SLC19A3: variants seen among roughly 807,000 people sequenced by gnomAD.
The protein encoded by SLC19A3 is thiamine transporter 2.
SLC19A3 carries 31 observed loss-of-function variants against 40.2 expected under a neutral mutation model. That is an observed-to-expected ratio of 0.77 (90% CI 0.58 to 1.04). The LOEUF is 1.04. SLC19A3 is among the 50% of genes least tolerant of loss of function. The probability of loss-of-function intolerance (pLI) is 0.00; values close to 1 mark genes in which losing one functional copy is unlikely to be tolerated. For synonymous variants in SLC19A3, 212 were observed against 227.5 expected (o/e 0.93, Z 0.61); for missense variants, 592 against 596.7 (o/e 0.99, Z 0.08).
At chr2:227,715,136 T>C (rs1428768584) in intron 1 of SLC19A3, among the ~76,000 whole-genome samples, 1 of 151,884 alleles carries the variant, frequency 6.6e-6, no homozygotes, top group African/African-American at 2.4e-5. Context: ...TGACTATTCT[T>C]ACTAAAGTCA....
intron 1 of SLC19A3, 113 bp from the exon 2 acceptor site, chr2:227,702,433 G>C: frequency 2.7e-6 from 3 of 1,091,916 alleles, no homozygotes; most frequent in Non-Finnish European, 4.0e-6. Context: ...TCGCTCTGTT[G>C]TCCAGGCTGA....
chr2:227,702,488 G>A, intron 1 of SLC19A3, 168 bp from the exon 2 acceptor site: 1 of 639,750 alleles, frequency 1.6e-6, no homozygotes, highest in Admixed American at 2.7e-5. Flanking sequence ...GTGCCTCCCG[G>A]GCTCAAGCCA....
intron 3 of SLC19A3, among the ~76,000 whole-genome samples, chr2:227,697,888 C>A (rs1323504629): frequency 6.6e-6 from 1 of 151,712 alleles, no homozygotes; most frequent in African/African-American, 2.4e-5. Flanking sequence ...CCATCCTGGG[C>A]AACATGGTGA....
intron 1 of SLC19A3, among the ~76,000 whole-genome samples, chr2:227,707,980 T>C (rs1164528011): frequency 3.9e-5 from 6 of 152,164 alleles, no homozygotes; most frequent in Non-Finnish European, 8.8e-5. Context: ...CCACTTGCCT[T>C]GGCCTCCCAA....
rs776336362 is a variant in SLC19A3, at chr2:227,687,210, A to C, written c.*187T>G. 2 of 567,484 alleles carry C rather than the reference A, an allele frequency of 3.5e-6. No homozygotes were observed. Among genetic ancestry groups the C allele is most frequent in the Admixed American group, 3.3e-5 (1 of 29,920 alleles). 35.2% of individuals were successfully genotyped at this position (567,484 alleles called of 1,614,324 possible). On this transcript the variant is annotated 3_prime_UTR_variant, in exon 6 of 6. Coordinates refer to ENST00000644224, the MANE Select transcript of SLC19A3 (RefSeq NM_025243.4). The stretch of plus-strand genomic sequence containing the variant: ...TATGATGACGGGTCCTGTCAATTGC[A>C]TCCAGTAAAATTGGTCACATAGAGA...
chr2:227,702,138 C>T (rs752227723), intron 2 of SLC19A3, 31 bp downstream of exon 2: 6 of 1,592,364 alleles, frequency 3.8e-6, no homozygotes, highest in South Asian at 3.3e-5. Context: ...TTTAAAAAAC[C>T]ACATTAAGAT....
intron 1 of SLC19A3, among the ~76,000 whole-genome samples, chr2:227,716,459 C>A (rs1696338793): frequency 6.6e-6 from 1 of 152,024 alleles, no homozygotes; most frequent in Non-Finnish European, 1.5e-5. Context: ...GCTCCCAGCT[C>A]AAAAAAACCT....
intron 1 of SLC19A3, among the ~76,000 whole-genome samples, chr2:227,709,758 A>G (rs1696075740): frequency 1.3e-5 from 2 of 152,186 alleles, no homozygotes; most frequent in African/African-American, 4.8e-5. Context: ...GAAGAACAAG[A>G]TATTGGGTGG....
At chr2:227,708,999 G>C (rs567944563) in intron 1 of SLC19A3, among the ~76,000 whole-genome samples, 1 of 152,146 alleles carries the variant, frequency 6.6e-6, no homozygotes, top group South Asian at 2.1e-4. Flanking sequence ...TATGCATTGG[G>C]GAATCATATT....
chr2:227,704,628 T>A (rs1695858227), intron 1 of SLC19A3, among the ~76,000 whole-genome samples: 1 of 152,000 alleles, frequency 6.6e-6, no homozygotes, highest in African/African-American at 2.4e-5. Context: ...TGAGACAGCC[T>A]GGCTATATCC....
chr2:227,716,959 T>A (rs2106346787), intron 1 of SLC19A3, among the ~76,000 whole-genome samples: 1 of 150,790 alleles, frequency 6.6e-6, no homozygotes, highest in East Asian at 1.9e-4. Context: ...ACACCAATGT[T>A]TCAATATTGA....
rs1304699872 is a variant in SLC19A3, at chr2:227,703,824, C to T, written c.-2-1504G>A. Among the ~76,000 whole-genome samples the T allele has an allele frequency of 6.6e-6, 1 of 152,180 alleles. No homozygotes were observed. Among genetic ancestry groups the T allele is most frequent in the Non-Finnish European group, 1.5e-5 (1 of 68,030 alleles). On this transcript the variant is annotated intron_variant, in intron 1 of 5. Coordinates refer to ENST00000644224, the MANE Select transcript of SLC19A3 (RefSeq NM_025243.4). This position sits in a 1 kb window ranked among gnomAD's most constrained non-coding sequence, Gnocchi z 4.7. ...CACCTTTGCTGACCACGGATTTGTTCTCTAAATCCAGGTCATCATCTTCTC... is the reference window on the plus strand; with the variant it reads ...CACCTTTGCTGACCACGGATTTGTTTTCTAAATCCAGGTCATCATCTTCTC...
In SLC19A3 at chr2:227,686,783, A is replaced by G. The variant is rs1695032066; in HGVS notation, c.*614T>C. 1 of 152,176 alleles carries G rather than the reference A, an allele frequency of 6.6e-6. No individual in the cohort carries two copies. Among genetic ancestry groups the G allele is most frequent in the African/African-American group, 2.4e-5 (1 of 41,434 alleles). 9.4% of individuals were successfully genotyped at this position (152,176 alleles called of 1,614,324 possible). ...AACTCAGAGCACAAAATGGAAAATA[A>G]TCATAAAAAAATTAAATAATAATAC... On this transcript the variant is annotated 3_prime_UTR_variant, in exon 6 of 6. Coordinates refer to ENST00000644224, the MANE Select transcript of SLC19A3 (RefSeq NM_025243.4).
intron 1 of SLC19A3, among the ~76,000 whole-genome samples, chr2:227,715,904 C>G (rs1426664732): frequency 7.0e-6 from 1 of 142,714 alleles, no homozygotes; most frequent in Admixed American, 7.4e-5. Flanking sequence ...GAGCCGAGAT[C>G]CCAGCCACTG....
rs1695420474 is a variant in SLC19A3, at chr2:227,695,993, A to C, written c.1068T>G (p.Asn356Lys). The C allele has an allele frequency of 4.3e-6, 7 of 1,614,210 alleles. No individual in the cohort carries two copies. In the East Asian group the frequency reaches 1.6e-4, roughly 36 times the overall value. ...AATGCATGAGAAATAAAGAACCGGCATTGACAACTGAGAAGACCACCAGAG... is the reference window on the plus strand; with the variant it reads ...AATGCATGAGAAATAAAGAACCGGCCTTGACAACTGAGAAGACCACCAGAG... ...ELALVVFSVV[N>K]AGSLFLMHYT... The change falls in exon 4 of 6, where the codon AAT (asparagine) becomes AAG (lysine). Residue 356 changes from asparagine to lysine, a missense_variant. Transcript: ENST00000644224.
At chr2:227,714,271 T>C (rs115708804) in intron 1 of SLC19A3, among the ~76,000 whole-genome samples, 241 of 152,248 alleles carry the variant, frequency 1.6e-3, no homozygotes, top group African/African-American at 5.6e-3. Flanking sequence ...ATAGGAAAAC[T>C]GAACAGGATC....
chr2:227,688,115 T>C (rs769152297), intron 5 of SLC19A3, 51 bp downstream of exon 5: 28 of 1,604,934 alleles, frequency 1.7e-5, no homozygotes, highest in East Asian at 2.2e-5. Flanking sequence ...TGTTGTAAGG[T>C]TGAGAAATTT....
At chr2:227,714,722 A>G in intron 1 of SLC19A3, 1 of 360,106 alleles carries the variant, frequency 2.8e-6, no homozygotes, top group Non-Finnish European at 3.8e-6. Context: ...AAAAAAAAAA[A>G]AGCAGACACC....
intron 1 of SLC19A3, among the ~76,000 whole-genome samples, chr2:227,710,022 C>G (rs1696084571): frequency 6.6e-6 from 1 of 152,128 alleles, no homozygotes; most frequent in Non-Finnish European, 1.5e-5. Context: ...GAGCTCGTAA[C>G]CTAGATCCCT....
Sources: gnomAD v4.1 joint callset for allele counts (sites outside exome capture counted in the v4.1 genomes callset) on GRCh38, gnomAD v4.1.1 for gene constraint, Gnocchi (gnomAD v3.1) non-coding constraint, MANE v1.5 for transcripts, NCBI Gene and HGNC (gene_info 2026-07-23, HGNC 2026-07-21) for gene names.